Variants in DNAI7 observed in about 807,000 individuals in gnomAD.
The protein encoded by DNAI7 is dynein axonemal intermediate chain 7.
Under a neutral mutation model 86.6 loss-of-function variants are expected in DNAI7, and 78 were observed. That is an observed-to-expected ratio of 0.90 (90% CI 0.75 to 1.09). The LOEUF is 1.09. DNAI7 is among the 50% of genes least tolerant of loss of function. The pLI is 0.00. For synonymous variants in DNAI7, 274 were observed against 273.0 expected (o/e 1.00, Z -0.04); for missense variants, 753 against 810.2 (o/e 0.93, Z 0.86).
At chr12:25,141,889 G>T (rs1410721588) in intron 9 of DNAI7, among the ~76,000 whole-genome samples, 1 of 152,104 alleles carries the variant, frequency 6.6e-6, no homozygotes, top group Non-Finnish European at 1.5e-5. Context: ...TGTTTGAGTG[G>T]ATGGGGTGAA....
intron 3 of DNAI7, among the ~76,000 whole-genome samples, chr12:25,159,981 T>C (rs1391886030): frequency 6.6e-6 from 1 of 152,172 alleles, no homozygotes; most frequent in Non-Finnish European, 1.5e-5. Context: ...GGCAAATAAA[T>C]ATTATAAAAC....
intron 6 of DNAI7, among the ~76,000 whole-genome samples, chr12:25,152,294 G>A (rs1254560726): frequency 6.6e-6 from 1 of 152,238 alleles, no homozygotes; most frequent in African/African-American, 2.4e-5. Context: ...GCTGAAACTT[G>A]CAGCCCCACT....
At chr12:25,147,263 G>T (rs958615553) in intron 7 of DNAI7, among the ~76,000 whole-genome samples, 159 bp from the exon 8 acceptor site, 3 of 152,108 alleles carry the variant, frequency 2.0e-5, no homozygotes, top group Non-Finnish European at 4.4e-5. Flanking sequence ...ACAAAGAATT[G>T]TTTAAAAAAA....
intron 9 of DNAI7, among the ~76,000 whole-genome samples, chr12:25,137,362 C>T (rs143988741): frequency 1.5e-3 from 221 of 152,234 alleles, no homozygotes; most frequent in African/African-American, 5.1e-3. Flanking sequence ...GTCAGCACTA[C>T]AAGAATTGCT....
At chr12:25,169,575 C>T (rs114701764) in intron 2 of DNAI7, among the ~76,000 whole-genome samples, 11,003 of 152,196 alleles carry the variant, frequency 0.072, 426 homozygotes, top group South Asian at 0.13. Flanking sequence ...AGGCCAGGAG[C>T]GATAGCTCAT....
In DNAI7 at chr12:25,185,084, G is replaced by A. The variant is rs571297416; in HGVS notation, c.21+5530C>T. 8.5e-5 allele frequency among the ~76,000 whole-genome samples: 13 copies of A among 152,156 alleles called. No homozygotes were observed. In the East Asian group the frequency reaches 2.5e-3, roughly 29 times the overall value. On this transcript the variant is annotated intron_variant, in intron 2 of 15. Coordinates refer to ENST00000395987, the MANE Select transcript of DNAI7 (RefSeq NM_018272.5). ...GCCTGGGAGGTTGAGGCTACAGTTAGCTGTAATTACACCACTGTACTCCAG... is the reference window on the plus strand; with the variant it reads ...GCCTGGGAGGTTGAGGCTACAGTTAACTGTAATTACACCACTGTACTCCAG...
rs1941181321 is a variant in DNAI7, at chr12:25,120,819, T to C, written c.1239+934A>G. 5.3e-5 allele frequency among the ~76,000 whole-genome samples: 8 copies of C among 152,224 alleles called. 1 individual carries two copies. On this transcript the variant is annotated intron_variant, in intron 11 of 15. Coordinates refer to ENST00000395987, the MANE Select transcript of DNAI7 (RefSeq NM_018272.5). Reference sequence around the variant, plus strand: ...CAGGGGTGAGAAACTCCTTGAAAGATGATCTAACAACTATTATCACCAAAG... The same window carrying C: ...CAGGGGTGAGAAACTCCTTGAAAGACGATCTAACAACTATTATCACCAAAG...
intron 1 of DNAI7, among the ~76,000 whole-genome samples, chr12:25,193,962 C>T (rs1950783105): frequency 6.6e-6 from 1 of 152,172 alleles, no homozygotes; most frequent in African/African-American, 2.4e-5. Flanking sequence ...GCTGGAATTA[C>T]AGGTGCGCGC....
chr12:25,108,367 A>G lies in DNAI7; in HGVS notation c.*181T>C. ...GAAAGCTGAAATTCTTAACAGGCCA[A>G]GTATTCAAAGGAAAAAAAAATACTG... is the stretch of plus-strand genomic sequence containing the variant. On this transcript the variant is annotated 3_prime_UTR_variant, in exon 16 of 16. Transcript: ENST00000395987. The G allele has an allele frequency of 1.7e-6, 1 of 586,286 alleles. No individual in the cohort carries two copies. The highest frequency in any genetic ancestry group is 2.8e-6 in the Non-Finnish European group (1 of 354,360). The allele number at this position is 586,286 out of a possible 1,614,324, so 36.3% of individuals were successfully genotyped here. A position where few individuals can be genotyped will look rare whatever the true frequency, so the allele number is the denominator to read the frequency against.
intron 9 of DNAI7, among the ~76,000 whole-genome samples, chr12:25,140,843 G>A (rs2140793379): frequency 6.6e-6 from 1 of 152,246 alleles, no homozygotes; most frequent in African/African-American, 2.4e-5. Context: ...AAACAGCATG[G>A]TACTGGTATA....
At chr12:25,129,059 T>G (rs1942522798) in intron 9 of DNAI7, among the ~76,000 whole-genome samples, 1 of 152,224 alleles carries the variant, frequency 6.6e-6, no homozygotes, top group African/African-American at 2.4e-5. Flanking sequence ...CATCAGTCGC[T>G]GGCCTTCCTT....
At chr12:25,154,113 T>C (rs755369120) in intron 6 of DNAI7, among the ~76,000 whole-genome samples, 2 of 152,194 alleles carry the variant, frequency 1.3e-5, no homozygotes, top group Non-Finnish European at 2.9e-5. Context: ...TGTTTTATGA[T>C]ATGCTGACCT....
intron 5 of DNAI7, 120 bp downstream of exon 5, chr12:25,155,191 T>C: frequency 1.9e-6 from 1 of 525,814 alleles, no homozygotes; most frequent in Non-Finnish European, 3.4e-6. Flanking sequence ...AATCAATTTG[T>C]CAGATGAGAG....
chr12:25,141,400 C>T lies in DNAI7; in HGVS notation c.1002+2965G>A, dbSNP rs186693144. Reference sequence around the variant, plus strand: ...AATAATAATCCCATCAAAAAGTGGGCTAAGGACCTGAATAGACAATTCTCA... The same window carrying T: ...AATAATAATCCCATCAAAAAGTGGGTTAAGGACCTGAATAGACAATTCTCA... On this transcript the variant is annotated intron_variant, in intron 9 of 15. Coordinates refer to ENST00000395987, the MANE Select transcript of DNAI7 (RefSeq NM_018272.5). Among the ~76,000 whole-genome samples, 14 of 152,262 alleles carry T rather than the reference C, an allele frequency of 9.2e-5. 1 individual carries two copies. The highest frequency in any genetic ancestry group is 6.2e-4 in the South Asian group (3 of 4,824).
Position 25,139,236 on chromosome 12 carries a change from A to G in DNAI7, c.1002+5129T>C, listed in dbSNP as rs1368830399. On this transcript the variant is annotated intron_variant, in intron 9 of 15. Coordinates refer to ENST00000395987, the MANE Select transcript of DNAI7 (RefSeq NM_018272.5). ...ATTAAAAAAAAATTACCAATAAAAA[A>G]AAAGTCCAGAACCAGATGGATTCAC... 4.6e-5 allele frequency among the ~76,000 whole-genome samples: 7 copies of G among 152,164 alleles called. No homozygotes were observed. The East Asian group carries it at 1.3e-3, about 29-fold the overall frequency.
At chr12:25,180,829 T>C (rs562715102) in intron 2 of DNAI7, among the ~76,000 whole-genome samples, 2 of 152,106 alleles carry the variant, frequency 1.3e-5, no homozygotes, top group African/African-American at 2.4e-5. Flanking sequence ...AACTATAATT[T>C]TTTTTTTCAC....
chr12:25,111,982 C>G (rs1469958471), intron 13 of DNAI7, 43 bp from the exon 14 acceptor site: 1 of 1,341,996 alleles, frequency 7.5e-7, no homozygotes, highest in Non-Finnish European at 1.0e-6. Context: ...TAAGTTAAAT[C>G]ATTACTTCAG....
At chr12:25,117,580 A>G (rs1342931013) in intron 12 of DNAI7, among the ~76,000 whole-genome samples, 1 of 152,104 alleles carries the variant, frequency 6.6e-6, no homozygotes, top group Non-Finnish European at 1.5e-5. Flanking sequence ...CCAGACCAAG[A>G]TTTTTCAAAA....
intron 1 of DNAI7, among the ~76,000 whole-genome samples, chr12:25,190,954 A>G (rs1017665662): frequency 6.6e-6 from 1 of 150,562 alleles, no homozygotes; most frequent in African/African-American, 2.4e-5. Flanking sequence ...TACTAAACAG[A>G]GTACTAGTCA....
Sources: gnomAD v4.1 joint callset for allele counts (sites outside exome capture counted in the v4.1 genomes callset) on GRCh38, gnomAD v4.1.1 for gene constraint, MANE v1.5 for transcripts, NCBI Gene and HGNC (gene_info 2026-07-23, HGNC 2026-07-21) for gene names.